Variants in SBF1 observed in about 807,000 individuals in gnomAD.
The protein encoded by SBF1 is myotubularin-related protein 5.
In SBF1, 65 loss-of-function variants were observed where a neutral mutation model predicts 215.8. The observed-to-expected ratio is 0.30, with a 90% CI of 0.25 to 0.37. The LOEUF (loss-of-function observed/expected upper bound fraction) is 0.37. Ranked by LOEUF, SBF1 falls within the 10% of genes least tolerant of loss-of-function variation. The pLI is 1.00. For synonymous variants in SBF1, 1,410 were observed against 1,122.8 expected (o/e 1.26, Z -5.11); for missense variants, 2,634 against 2,667.8 (o/e 0.99, Z 0.28).
At chr22:50,466,531 C>A in intron 6 of SBF1, 49 bp from the exon 7 acceptor site, 1 of 1,529,734 alleles carries the variant, frequency 6.5e-7, no homozygotes, top group East Asian at 2.5e-5. Flanking sequence ...CCCACCCAGG[C>A]AGAGTGAGAA....
Position 50,474,891 on chromosome 22 carries a change from G to A in SBF1, c.-51C>T. ...GGGCGCGGGCGGGCTCCGCGGCTCG[G>A]GGACTCGAGGACGGCGCGCTCATGG... On this transcript the variant is annotated 5_prime_UTR_variant, in exon 1 of 41. Transcript: ENST00000380817. 2 of 1,283,288 alleles carry A rather than the reference G, an allele frequency of 1.6e-6. No individual in the cohort carries two copies. Among genetic ancestry groups the A allele is most frequent in the Non-Finnish European group, 2.0e-6 (2 of 1,001,406 alleles). The allele number at this position is 1,283,288 out of a possible 1,614,324, so 79.5% of individuals were successfully genotyped here. A position where few individuals can be genotyped will look rare whatever the true frequency, so the allele number is the denominator to read the frequency against.
chr22:50,461,171 G>T lies in SBF1; in HGVS notation c.2955C>A (p.Ser985=). The change falls in exon 23 of 41, where the codon TCC becomes TCA. Residue 985 remains serine (S), a synonymous_variant. Transcript: ENST00000380817. ...CACCGCGCCCCACCTGGAATGTGCA[G>T]GAGCGCAGCTGGAGCCCGTCCTGCA... ...QLLQDGLQLR[S]CTFQLLKMAF... 6.2e-7 allele frequency: 1 copy of T among 1,606,914 alleles called. No individual in the cohort carries two copies.
chr22:50,467,251 G>T, intron 5 of SBF1, 87 bp downstream of exon 5: 2 of 1,099,634 alleles, frequency 1.8e-6, no homozygotes, highest in Non-Finnish European at 2.7e-6. Context: ...CCAGCTGTGT[G>T]TGGCTCTGGC....
At position 50,446,311 on chromosome 22, in the gene SBF1, CAGG is replaced by C. The variant is rs2066805119; in HGVS notation, c.*828_*830del. 6.9e-6 allele frequency: 1 copy of C among 145,958 alleles called. No individual in the cohort carries two copies. Among genetic ancestry groups the C allele is most frequent in the Admixed American group, 7.3e-5 (1 of 13,786 alleles). The allele number at this position is 145,958 out of a possible 1,614,324, so 9.0% of individuals were successfully genotyped here. ...CTGCCAGATGCTGCTCGTTGCCTGG[CAGG>C]AGCCAGATGTGGTCAACCTGCATTC... On this transcript the variant is annotated 3_prime_UTR_variant, in exon 41 of 41. Coordinates refer to ENST00000380817, the MANE Select transcript of SBF1 (RefSeq NM_002972.4).
chr22:50,455,475 A>G lies in SBF1; in HGVS notation c.4368+6T>C. ...CTGGCCCACCCCAGCCCCACGCGCC[A>G]CACACCTGGGTGGTGATGTCCCAGC... is the stretch of plus-strand genomic sequence containing the variant. On this transcript the variant is annotated splice_donor_region_variant and intron_variant, in intron 32 of 40. Coordinates refer to ENST00000380817, the MANE Select transcript of SBF1 (RefSeq NM_002972.4). 6.2e-7 allele frequency: 1 copy of G among 1,611,290 alleles called. No homozygotes were observed.
chr22:50,452,723 C>CA (rs57951967), intron 36 of SBF1, among the ~76,000 whole-genome samples: 418 of 39,540 alleles, frequency 0.011, 71 homozygotes, highest in African/African-American at 0.046. Flanking sequence ...CTCCATCTCT[C>CA]AAAAAAAAAA....
intron 28 of SBF1, among the ~76,000 whole-genome samples, chr22:50,457,692 C>T (rs4824118): frequency 0.28 from 41,920 of 152,198 alleles, 6,645 homozygotes; most frequent in Middle Eastern, 0.37. Context: ...CTGAGGTTTA[C>T]GGTCCAGACG....
intron 28 of SBF1, 145 bp downstream of exon 28, chr22:50,459,110 C>A (rs2067386987): frequency 7.9e-7 from 1 of 1,258,486 alleles, no homozygotes; most frequent in South Asian, 1.5e-5. Context: ...CCCACGGCAC[C>A]CGGAGGGCAT....
At chr22:50,459,690 G>A (rs1359042912) in intron 26 of SBF1, 24 bp from the exon 27 acceptor site, 4 of 1,576,296 alleles carry the variant, frequency 2.5e-6, no homozygotes, top group South Asian at 1.1e-5. Context: ...GAGGCGTGAA[G>A]GTGGCTGGCG....
At position 50,463,378 on chromosome 22, in the gene SBF1, C is replaced by T. The variant is rs966338815; in HGVS notation, c.1804G>A (p.Ala602Thr). 2 of 1,603,912 alleles carry T rather than the reference C, an allele frequency of 1.2e-6. No homozygotes were observed. The highest frequency in any genetic ancestry group is 1.7e-6 in the Non-Finnish European group (2 of 1,174,704). ...LKGRAARRCL[A>T]QELHLHVQQN... ...TGCACATGCAGGTGCAGCTCCTGGGCGAGGCAGCGGCGGGCAGCTCGCCCC... is the reference window on the plus strand; with the variant it reads ...TGCACATGCAGGTGCAGCTCCTGGGTGAGGCAGCGGCGGGCAGCTCGCCCC... Residue 602 changes from alanine to threonine, a missense_variant, in exon 16 of 41, where the codon GCC becomes ACC. Physicochemically the swap from Ala to Thr is moderately conservative, Grantham distance 58. Coordinates refer to ENST00000380817, the MANE Select transcript of SBF1 (RefSeq NM_002972.4).
Position 50,465,146 on chromosome 22 carries a change from G to C in SBF1, c.1204-17C>G. On this transcript the variant is annotated splice_polypyrimidine_tract_variant and intron_variant, in intron 11 of 40. Coordinates refer to ENST00000380817, the MANE Select transcript of SBF1 (RefSeq NM_002972.4). ...GAAGGCTGCCTGGATGACAGAAGGA[G>C]GTCGGTCCCTCAGGGGTCTCCACCA... 6.2e-7 allele frequency: 1 copy of C among 1,613,956 alleles called. No individual in the cohort carries two copies. Among genetic ancestry groups the C allele is most frequent in the Non-Finnish European group, 8.5e-7 (1 of 1,179,970 alleles).
At chr22:50,454,046 G>C (rs1354054066) in intron 36 of SBF1, among the ~76,000 whole-genome samples, 1 of 152,286 alleles carries the variant, frequency 6.6e-6, no homozygotes, top group African/African-American at 2.4e-5. Flanking sequence ...GCCCACCAGG[G>C]ATGGCACAGT....
intron 36 of SBF1, among the ~76,000 whole-genome samples, chr22:50,452,670 C>T (rs193130998): frequency 7.5e-5 from 10 of 132,662 alleles, no homozygotes; most frequent in Admixed American, 4.3e-4. Context: ...TGCAGTGAAC[C>T]GAGATCGCAC....
chr22:50,460,475 G>C, intron 24 of SBF1, 59 bp downstream of exon 24: 1 of 1,608,164 alleles, frequency 6.2e-7, no homozygotes, highest in Non-Finnish European at 8.5e-7. Context: ...GGGCCTAGGA[G>C]GGTTGGAGCG....
At chr22:50,464,030 G>A (rs1282406827) in intron 15 of SBF1, among the ~76,000 whole-genome samples, 1 of 152,194 alleles carries the variant, frequency 6.6e-6, no homozygotes, top group African/African-American at 2.4e-5. Context: ...GTCGTGTATG[G>A]GCCTACCCAA....
In SBF1 at chr22:50,460,338, A is replaced by C. The variant is rs1489677378; in HGVS notation, c.3217T>G (p.Tyr1073Asp). 1 of 1,613,270 alleles carries C rather than the reference A, an allele frequency of 6.2e-7. No individual in the cohort carries two copies. Among genetic ancestry groups the C allele is most frequent in the Non-Finnish European group, 8.5e-7 (1 of 1,179,578 alleles). The change falls in exon 25 of 41, where the codon TAC (tyrosine) becomes GAC (aspartate). Residue 1073 changes from tyrosine (Y) to aspartate (D), a missense_variant. Physicochemically the swap from Tyr to Asp is radical, Grantham distance 160. Coordinates refer to ENST00000380817, the MANE Select transcript of SBF1 (RefSeq NM_002972.4). ...IGRQHVTRKK[Y>D]NPPSWEHRGQ... ...CGGTGCTCCCAGCTGGGGGGGTTGT[A>C]CTTCTTGCGAGTGACATGCTGCCGC...
At chr22:50,448,933 C>A (rs989905626) in intron 36 of SBF1, among the ~76,000 whole-genome samples, 3 of 152,208 alleles carry the variant, frequency 2.0e-5, no homozygotes, top group Non-Finnish European at 4.4e-5. Context: ...CCCGGCCAGG[C>A]GTGGTGGCTC....
intron 30 of SBF1, 27 bp downstream of exon 30, chr22:50,456,465 A>ACACC: frequency 1.3e-6 from 1 of 748,646 alleles, no homozygotes; most frequent in Non-Finnish European, 1.8e-6. Flanking sequence ...CCCCACCCTC[A>ACACC]CCCCCCACCC....
chr22:50,469,520 C>T (rs771246596), intron 1 of SBF1, among the ~76,000 whole-genome samples: 3 of 152,226 alleles, frequency 2.0e-5, no homozygotes, highest in Non-Finnish European at 2.9e-5. Context: ...GGTGTGGCTC[C>T]CGCAGCAGGA....
Sources: gnomAD v4.1 joint callset for allele counts (sites outside exome capture counted in the v4.1 genomes callset) on GRCh38, gnomAD v4.1.1 for gene constraint, MANE v1.5 for transcripts, NCBI Gene and HGNC (gene_info 2026-07-23, HGNC 2026-07-21) for gene names.